HS6ST3: variants seen among roughly 807,000 people sequenced by gnomAD.
HS6ST3 encodes the protein heparan sulfate 6-O-sulfotransferase 3.
A neutral mutation model predicts 36.7 loss-of-function variants in HS6ST3; 12 were observed. The observed-to-expected ratio is 0.33, with a 90% CI of 0.21 to 0.53. The LOEUF (loss-of-function observed/expected upper bound fraction) is 0.53. Among genes scored for constraint, HS6ST3 ranks in the 20% least tolerant of loss-of-function variants. The pLI, the probability that HS6ST3 is intolerant of heterozygous loss-of-function variation, is 0.95. For synonymous variants in HS6ST3, 240 were observed against 257.5 expected (o/e 0.93, Z 0.65); for missense variants, 584 against 640.9 (o/e 0.91, Z 0.96).
At chr13:96,639,973 T>G (rs2056564574) in intron 1 of HS6ST3, among the ~76,000 whole-genome samples, 1 of 152,010 alleles carries the variant, frequency 6.6e-6, no homozygotes, top group Admixed American at 6.6e-5. Context: ...GTTGATTGCA[T>G]CTAGGTTGAT....
intron 1 of HS6ST3, among the ~76,000 whole-genome samples, chr13:96,213,335 T>C (rs1443634564): frequency 1.3e-5 from 2 of 152,198 alleles, no homozygotes; most frequent in African/African-American, 4.8e-5. Context: ...CTGTGTTCCT[T>C]TGCTTTTTTC....
chr13:96,641,613 A>G (rs987303314), intron 1 of HS6ST3, among the ~76,000 whole-genome samples: 1 of 151,806 alleles, frequency 6.6e-6, no homozygotes, highest in Non-Finnish European at 1.5e-5. Flanking sequence ...AGTGATAAAT[A>G]GATATTTTCT....
chr13:96,159,275 C>T (rs1193358397), intron 1 of HS6ST3, among the ~76,000 whole-genome samples: 1 of 152,118 alleles, frequency 6.6e-6, no homozygotes, highest in East Asian at 1.9e-4. Flanking sequence ...TGCAGGTACG[C>T]CCTCGTTTTC....
At chr13:96,677,408 A>C (rs966238529) in intron 1 of HS6ST3, among the ~76,000 whole-genome samples, 4 of 152,134 alleles carry the variant, frequency 2.6e-5, no homozygotes, top group Non-Finnish European at 5.9e-5. Flanking sequence ...TGTTAATAGG[A>C]TATGAGTAGG....
chr13:96,188,868 T>A (rs2054276630), intron 1 of HS6ST3, among the ~76,000 whole-genome samples: 1 of 152,192 alleles, frequency 6.6e-6, no homozygotes, highest in Non-Finnish European at 1.5e-5. Flanking sequence ...AGGTTAATTG[T>A]ATGCTGGTAT....
chr13:96,402,745 T>A (rs978339197), intron 1 of HS6ST3, among the ~76,000 whole-genome samples: 9 of 152,368 alleles, frequency 5.9e-5, no homozygotes, highest in African/African-American at 1.7e-4. Flanking sequence ...GTTGTGTCAG[T>A]AGTTTAATCC....
intron 1 of HS6ST3, among the ~76,000 whole-genome samples, chr13:96,727,167 T>A (rs1422864594): frequency 6.6e-6 from 1 of 152,180 alleles, no homozygotes; most frequent in African/African-American, 2.4e-5. Context: ...ACTTAATAAA[T>A]GGAGTTAGAT....
intron 1 of HS6ST3, among the ~76,000 whole-genome samples, chr13:96,495,915 T>C (rs2138909209): frequency 6.6e-6 from 1 of 152,346 alleles, no homozygotes; most frequent in East Asian, 1.9e-4. Context: ...CTCTTCAGCA[T>C]AAGGCCCCCA....
intron 1 of HS6ST3, among the ~76,000 whole-genome samples, chr13:96,651,371 A>G (rs989862498): frequency 6.6e-6 from 1 of 152,050 alleles, no homozygotes; most frequent in Non-Finnish European, 1.5e-5. Flanking sequence ...TCTATCCAGC[A>G]TGACAATCTG....
At chr13:96,443,497 T>C (rs1053036571) in intron 1 of HS6ST3, among the ~76,000 whole-genome samples, 8 of 125,294 alleles carry the variant, frequency 6.4e-5, no homozygotes, top group Non-Finnish European at 1.2e-4. Context: ...GCCACTGCAC[T>C]CCAGCCTGGG....
chr13:96,439,438 G>A (rs1016227005), intron 1 of HS6ST3, among the ~76,000 whole-genome samples: 2 of 152,202 alleles, frequency 1.3e-5, no homozygotes, highest in African/African-American at 4.8e-5. Context: ...ATGTTTAGTG[G>A]TTTGTTCAAA....
intron 1 of HS6ST3, among the ~76,000 whole-genome samples, chr13:96,680,882 A>G (rs1477870033): frequency 6.6e-6 from 1 of 152,246 alleles, no homozygotes; most frequent in African/African-American, 2.4e-5. Flanking sequence ...GAGAAAGAGC[A>G]TGAAGGCTTT....
chr13:96,598,705 G>A (rs1170872018), intron 1 of HS6ST3, among the ~76,000 whole-genome samples: 1 of 152,058 alleles, frequency 6.6e-6, no homozygotes, highest in Admixed American at 6.6e-5. Flanking sequence ...GACTTCCAGA[G>A]CTATGTTGTG....
intron 1 of HS6ST3, among the ~76,000 whole-genome samples, chr13:96,309,255 T>A (rs2054928617): frequency 6.6e-6 from 1 of 152,150 alleles, no homozygotes; most frequent in South Asian, 2.1e-4. Context: ...TACTTTAGCA[T>A]CTGCTTGGTT....
At chr13:96,813,531 A>G (rs186416841) in intron 1 of HS6ST3, among the ~76,000 whole-genome samples, 7 of 152,296 alleles carry the variant, frequency 4.6e-5, no homozygotes, top group Non-Finnish European at 4.4e-5. Context: ...GTCTTTCTCT[A>G]TCACGCAGCA....
At chr13:96,551,341 T>C (rs893289847) in intron 1 of HS6ST3, among the ~76,000 whole-genome samples, 1 of 152,182 alleles carries the variant, frequency 6.6e-6, no homozygotes, top group African/African-American at 2.4e-5. Context: ...GTTTTTTTCT[T>C]CTTTCTGAGC....
intron 1 of HS6ST3, among the ~76,000 whole-genome samples, chr13:96,750,943 A>G (rs1876685669): frequency 6.6e-6 from 1 of 152,242 alleles, no homozygotes; most frequent in Non-Finnish European, 1.5e-5. Context: ...TATAGAGAAT[A>G]TAGAATTAAA....
At chr13:96,122,110 G>GTATTAT (rs55776008) in intron 1 of HS6ST3, among the ~76,000 whole-genome samples, 5,394 of 145,020 alleles carry the variant, frequency 0.037, 122 homozygotes, top group East Asian at 0.068. Context: ...ACCCTTTCAG[G>GTATTAT]TATTATTATT....
intron 1 of HS6ST3, among the ~76,000 whole-genome samples, chr13:96,613,941 C>T (rs1012788259): frequency 2.0e-5 from 3 of 152,148 alleles, no homozygotes; most frequent in African/African-American, 7.2e-5. Flanking sequence ...ACATAAAGAC[C>T]TGTAAGGTAT....
Sources: allele counts gnomAD v4.1 joint callset (sites outside exome capture counted in the v4.1 genomes callset), GRCh38; gene constraint gnomAD v4.1.1; transcripts MANE v1.5; gene names NCBI Gene and HGNC (gene_info 2026-07-23, HGNC 2026-07-21).